MMS22L: variants seen among roughly 807,000 people sequenced by gnomAD.
The protein encoded by MMS22L is MMS22 like, DNA repair protein.
MMS22L carries 74 observed loss-of-function variants against 159.1 expected under a neutral mutation model. That is an observed-to-expected ratio of 0.47 (90% CI 0.39 to 0.56). The LOEUF (loss-of-function observed/expected upper bound fraction) is 0.56. Ranked by LOEUF, MMS22L falls within the 20% of genes least tolerant of loss-of-function variation. The pLI is 0.00. For missense variants in MMS22L, 1,351 were observed against 1,422.1 expected (o/e 0.95, Z 0.80); for synonymous variants, 517 against 506.9 (o/e 1.02, Z -0.27).
At chr6:97,280,998 T>TA (rs1481374595) in intron 3 of MMS22L, among the ~76,000 whole-genome samples, 1 of 152,200 alleles carries the variant, frequency 6.6e-6, no homozygotes, top group East Asian at 1.9e-4. Context: ...TTCAAAGCCT[T>TA]AAATATTTGT....
chr6:97,277,309 A>C (rs932183959), intron 4 of MMS22L, among the ~76,000 whole-genome samples: 4 of 152,122 alleles, frequency 2.6e-5, no homozygotes, highest in African/African-American at 4.8e-5. Flanking sequence ...GCTACTCAGG[A>C]GGCTGAGGCA....
chr6:97,274,777 T>A (rs774265916), intron 4 of MMS22L, among the ~76,000 whole-genome samples: 2 of 152,080 alleles, frequency 1.3e-5, no homozygotes, highest in East Asian at 1.9e-4. Context: ...GAGATTTAAG[T>A]ATCGATCTGT....
chr6:97,172,799 C>T (rs1803684962), intron 19 of MMS22L, among the ~76,000 whole-genome samples: 2 of 151,982 alleles, frequency 1.3e-5, no homozygotes, highest in Non-Finnish European at 2.9e-5. Flanking sequence ...TGACAGACTA[C>T]TGAAAGCAAT....
intron 1 of MMS22L, 120 bp from the exon 2 acceptor site, chr6:97,282,673 CCCTCG>C: frequency 2.1e-6 from 1 of 482,896 alleles, no homozygotes; most frequent in South Asian, 2.8e-5. Flanking sequence ...TCCCAATTCC[CCCTCG>C]CCCTCCGTCC....
chr6:97,168,374 A>C (rs1803195803), intron 19 of MMS22L, 134 bp from the exon 20 acceptor site: 3 of 677,812 alleles, frequency 4.4e-6, no homozygotes, highest in African/African-American at 1.9e-5. Flanking sequence ...CATATAGTAG[A>C]AGTAACAAAT....
chr6:97,154,749 A>C (rs996022899), intron 22 of MMS22L, among the ~76,000 whole-genome samples: 1 of 152,172 alleles, frequency 6.6e-6, no homozygotes, highest in African/African-American at 2.4e-5. Context: ...AACAAACAAA[A>C]AAACCCCAGT....
chr6:97,281,314 G>A lies in MMS22L; in HGVS notation c.213C>T (p.Thr71=). ...DPLPTNFEED[T]LEIFGIQWVT... The stretch of plus-strand genomic sequence containing the variant: ...CCCACTGAATGCCAAATATTTCCAA[G>A]GTATCTTCTTCAAAATTAGTTGGTA... The change falls in exon 3 of 25, where the codon ACC becomes ACT. Residue 71 remains threonine, a synonymous_variant. Transcript: ENST00000683635. 1 of 1,608,568 alleles carries A rather than the reference G, an allele frequency of 6.2e-7. No individual in the cohort carries two copies. Among genetic ancestry groups the A allele is most frequent in the East Asian group, 2.2e-5 (1 of 44,636 alleles).
intron 8 of MMS22L, 87 bp from the exon 9 acceptor site, chr6:97,263,535 G>T: frequency 3.6e-6 from 2 of 555,432 alleles, no homozygotes; most frequent in Non-Finnish European, 6.0e-6. Flanking sequence ...TTAAAAGAAT[G>T]ATTTAGATGA....
intron 14 of MMS22L, among the ~76,000 whole-genome samples, chr6:97,196,279 T>C (rs1032492148): frequency 1.3e-5 from 2 of 152,124 alleles, no homozygotes; most frequent in Non-Finnish European, 2.9e-5. Context: ...GGAGAAGACA[T>C]GCCATTACCT....
chr6:97,231,228 A>G lies in MMS22L; in HGVS notation c.1529+198T>C, dbSNP rs1582714273. On this transcript the variant is annotated intron_variant, in intron 13 of 24. Coordinates refer to ENST00000683635, the MANE Select transcript of MMS22L (RefSeq NM_001350599.2). ...GGCTCAAAGAACACAAAAGTTTTATATGTTGAAACTATTACCTACCAACGT... is the reference window on the plus strand; with the variant it reads ...GGCTCAAAGAACACAAAAGTTTTATGTGTTGAAACTATTACCTACCAACGT... 15 of 530,094 alleles carry G rather than the reference A, an allele frequency of 2.8e-5. No individual in the cohort carries two copies. In the East Asian group the frequency reaches 4.7e-4, roughly 16 times the overall value. The allele number at this position is 530,094 out of a possible 1,614,324, so 32.8% of individuals were successfully genotyped here.
chr6:97,252,080 C>T (rs951541440), intron 10 of MMS22L, among the ~76,000 whole-genome samples: 2 of 146,794 alleles, frequency 1.4e-5, no homozygotes, highest in African/African-American at 5.0e-5. Flanking sequence ...GAGACTCCAT[C>T]TCAAAAAAAA....
chr6:97,201,626 C>A (rs531544093), intron 14 of MMS22L, among the ~76,000 whole-genome samples: 1 of 152,160 alleles, frequency 6.6e-6, no homozygotes, highest in Non-Finnish European at 1.5e-5. Context: ...GCTGTAAAAC[C>A]GTGAATGTAA....
chr6:97,256,305 TTTATGTCCTACTCACTTTAG>T, intron 9 of MMS22L, among the ~76,000 whole-genome samples: 1 of 152,288 alleles, frequency 6.6e-6, no homozygotes, highest in African/African-American at 2.4e-5. Context: ...GAGTAGCTCA[TTTATGTCCTACTCACTTTAG>T]ATGGTACTAT....
intron 14 of MMS22L, among the ~76,000 whole-genome samples, chr6:97,201,494 A>T (rs1344153069): frequency 6.6e-6 from 1 of 152,220 alleles, no homozygotes; most frequent in East Asian, 1.9e-4. Flanking sequence ...TCACTGTTAG[A>T]CCCAATAGTT....
At chr6:97,153,778 T>C (rs751644521) in intron 22 of MMS22L, among the ~76,000 whole-genome samples, 3 of 152,242 alleles carry the variant, frequency 2.0e-5, no homozygotes, top group Non-Finnish European at 4.4e-5. Context: ...GATTCATCAA[T>C]GTTATAGCAT....
intron 8 of MMS22L, 198 bp downstream of exon 8, chr6:97,267,674 C>G: frequency 3.0e-6 from 1 of 333,848 alleles, no homozygotes; most frequent in Non-Finnish European, 5.2e-6. Flanking sequence ...AAAAGAAAAG[C>G]TCTAAAATAC....
chr6:97,188,497 A>G (rs180804598), intron 14 of MMS22L, among the ~76,000 whole-genome samples: 2 of 152,304 alleles, frequency 1.3e-5, no homozygotes, highest in Admixed American at 1.3e-4. Flanking sequence ...TAGATGACGA[A>G]GCTAACAGTA....
At chr6:97,163,411 T>C (rs1268641960) in intron 21 of MMS22L, among the ~76,000 whole-genome samples, 1 of 151,846 alleles carries the variant, frequency 6.6e-6, no homozygotes, top group South Asian at 2.1e-4. Flanking sequence ...GAAGAAGTCA[T>C]AGAAGACAAT....
At chr6:97,185,287 T>C (rs971376755) in intron 15 of MMS22L, among the ~76,000 whole-genome samples, 5 of 152,168 alleles carry the variant, frequency 3.3e-5, no homozygotes, top group African/African-American at 7.2e-5. Context: ...TCTTCTCCAT[T>C]AGTATCTCTC....
Sources: allele counts gnomAD v4.1 joint callset (sites outside exome capture counted in the v4.1 genomes callset), GRCh38; gene constraint gnomAD v4.1.1; transcripts MANE v1.5; gene names NCBI Gene and HGNC (gene_info 2026-07-23, HGNC 2026-07-21).